Variants in IQCM observed in about 807,000 individuals in gnomAD.
IQCM encodes the protein IQ domain-containing protein M.
A neutral mutation model predicts 57.6 loss-of-function variants in IQCM; 45 were observed. That is an observed-to-expected ratio of 0.78 (90% CI 0.62 to 1.00). The LOEUF is 1.00. IQCM is among the 50% of genes least tolerant of loss of function. The probability of loss-of-function intolerance (pLI) is 0.00; values close to 1 mark genes in which losing one functional copy is unlikely to be tolerated. For synonymous variants in IQCM, 148 were observed against 158.9 expected, an observed-to-expected ratio of 0.93 and a Z score of 0.51; for missense variants, 468 against 511.6, an observed-to-expected ratio of 0.91 and a Z score of 0.82.
intron 13 of IQCM, among the ~76,000 whole-genome samples, chr4:149,392,507 G>A (rs940852900): frequency 6.6e-6 from 1 of 151,938 alleles, no homozygotes; most frequent in Non-Finnish European, 1.5e-5. Flanking sequence ...ATAGATACAT[G>A]TCTGACATGA....
chr4:149,712,997 T>C (rs1363718941), intron 5 of IQCM, among the ~76,000 whole-genome samples: 1 of 152,234 alleles, frequency 6.6e-6, no homozygotes, highest in South Asian at 2.1e-4. Context: ...GACTTGCTAA[T>C]AGTAATGTTC....
intron 7 of IQCM, among the ~76,000 whole-genome samples, chr4:149,639,372 G>A (rs543441425): frequency 2.6e-5 from 4 of 151,048 alleles, no homozygotes; most frequent in African/African-American, 7.3e-5. Context: ...GCTGCAGTGA[G>A]CTATGATCGT....
intron 2 of IQCM, among the ~76,000 whole-genome samples, chr4:149,759,029 T>TA (rs148104139): frequency 0.013 from 1,912 of 152,262 alleles, 16 homozygotes; most frequent in South Asian, 0.018. Flanking sequence ...TCATAATTGC[T>TA]AAAACAGAAG....
chr4:149,366,299 CA>C (rs1015009059), intron 13 of IQCM, among the ~76,000 whole-genome samples: 2 of 151,864 alleles, frequency 1.3e-5, no homozygotes, highest in African/African-American at 4.8e-5. Flanking sequence ...CAGTTTTCAA[CA>C]AATTTTAGAA....
chr4:149,737,389 A>G (rs1274522087), intron 3 of IQCM, among the ~76,000 whole-genome samples: 5 of 152,240 alleles, frequency 3.3e-5, no homozygotes, highest in Non-Finnish European at 7.3e-5. Context: ...AATGATATGC[A>G]TGTTGATTGA....
chr4:149,754,831 G>A (rs753314707), intron 2 of IQCM, among the ~76,000 whole-genome samples: 3 of 152,048 alleles, frequency 2.0e-5, no homozygotes, highest in Non-Finnish European at 4.4e-5. Flanking sequence ...ATTGATAACT[G>A]GCAAATAGAT....
intron 12 of IQCM, among the ~76,000 whole-genome samples, chr4:149,436,343 C>A (rs929463430): frequency 4.6e-5 from 7 of 152,130 alleles, no homozygotes; most frequent in African/African-American, 1.7e-4. Context: ...CTGCCACTTT[C>A]TCCCACTAGC....
intron 12 of IQCM, among the ~76,000 whole-genome samples, chr4:149,519,485 G>A (rs1221068657): frequency 2.6e-5 from 4 of 151,986 alleles, no homozygotes; most frequent in African/African-American, 9.7e-5. Flanking sequence ...AGCCTGGCGT[G>A]GTGGCGGGCG....
At chr4:149,363,861 A>C (rs1729658741) in intron 13 of IQCM, among the ~76,000 whole-genome samples, 2 of 152,194 alleles carry the variant, frequency 1.3e-5, no homozygotes, top group Non-Finnish European at 2.9e-5. Context: ...CAAGCAGAAA[A>C]ACCCAAGAAC....
intron 9 of IQCM, among the ~76,000 whole-genome samples, chr4:149,577,399 G>T (rs1242797032): frequency 6.6e-6 from 1 of 151,878 alleles, no homozygotes; most frequent in South Asian, 2.1e-4. Flanking sequence ...GTCTTGAGTT[G>T]ATTTTTGTAT....
At chr4:149,416,882 T>G (rs534012831) in intron 13 of IQCM, among the ~76,000 whole-genome samples, 2 of 152,202 alleles carry the variant, frequency 1.3e-5, no homozygotes, top group East Asian at 3.9e-4. Flanking sequence ...AAGCAAGGTA[T>G]GTTTTCAGCA....
At chr4:149,419,706 C>T (rs1733992560) in intron 13 of IQCM, among the ~76,000 whole-genome samples, 1 of 152,004 alleles carries the variant, frequency 6.6e-6, no homozygotes, top group South Asian at 2.1e-4. Flanking sequence ...GAACAGGCAA[C>T]CTACAAAGTG....
intron 13 of IQCM, among the ~76,000 whole-genome samples, chr4:149,364,339 T>C (rs1474463386): frequency 6.6e-6 from 1 of 152,166 alleles, no homozygotes; most frequent in African/African-American, 2.4e-5. Flanking sequence ...TTACAGAACA[T>C]ATCACAGCTC....
intron 7 of IQCM, among the ~76,000 whole-genome samples, chr4:149,662,640 TC>T (rs532301849): frequency 3.3e-5 from 5 of 152,010 alleles, no homozygotes; most frequent in Non-Finnish European, 5.9e-5. Context: ...GTTGAGTTAA[TC>T]CCTTTATCAT....
intron 3 of IQCM, among the ~76,000 whole-genome samples, chr4:149,739,853 A>G (rs1767292155): frequency 6.6e-6 from 1 of 152,170 alleles, no homozygotes; most frequent in South Asian, 2.1e-4. Flanking sequence ...CTCATTTTTC[A>G]TATATCATCA....
intron 2 of IQCM, among the ~76,000 whole-genome samples, chr4:149,802,676 T>C (rs1235279602): frequency 6.6e-6 from 1 of 152,044 alleles, no homozygotes; most frequent in Non-Finnish European, 1.5e-5. Flanking sequence ...CTTCTTTCTT[T>C]TAGGATGACA....
intron 13 of IQCM, among the ~76,000 whole-genome samples, chr4:149,404,880 G>A (rs550258743): frequency 2.6e-5 from 4 of 152,044 alleles, no homozygotes; most frequent in Non-Finnish European, 5.9e-5. Context: ...AATATATTTC[G>A]TAGAGAAATA....
chr4:149,719,660 T>A (rs1765283370), intron 5 of IQCM, among the ~76,000 whole-genome samples: 1 of 152,244 alleles, frequency 6.6e-6, no homozygotes, highest in South Asian at 2.1e-4. Flanking sequence ...CTTTCTTCCA[T>A]GTTGGCTTTA....
At chr4:149,451,301 A>C (rs1342651888) in intron 12 of IQCM, among the ~76,000 whole-genome samples, 2 of 151,822 alleles carry the variant, frequency 1.3e-5, no homozygotes, top group Non-Finnish European at 2.9e-5. Context: ...GTCAATAATA[A>C]TTTAATTGTG....
Sources: gnomAD v4.1 joint callset for allele counts (sites outside exome capture counted in the v4.1 genomes callset) on GRCh38, gnomAD v4.1.1 for gene constraint, MANE v1.5 for transcripts, NCBI Gene and HGNC (gene_info 2026-07-23, HGNC 2026-07-21) for gene names.